The following BICD2 variants were observed in gnomAD, a reference collection of about 807,000 sequenced individuals.
BICD2 encodes BICD cargo adaptor 2, also known as protein bicaudal D homolog 2.
BICD2 carries 25 observed loss-of-function variants against 72.9 expected under a neutral mutation model. The observed-to-expected ratio is 0.34, with a 90% CI of 0.25 to 0.48. The LOEUF (loss-of-function observed/expected upper bound fraction) is 0.48, where lower values mean the gene tolerates loss of function less well. Ranked by LOEUF, BICD2 falls within the 20% of genes least tolerant of loss-of-function variation. BICD2 has a pLI of 0.99. For synonymous variants in BICD2, 501 were observed against 516.1 expected (o/e 0.97, Z 0.40); for missense variants, 894 against 1,175.2 (o/e 0.76, Z 3.50).
intron 2 of BICD2, 61 bp from the exon 3 acceptor site, chr9:92,722,869 G>C (rs1564062166): frequency 1.2e-5 from 20 of 1,601,234 alleles, no homozygotes; most frequent in Non-Finnish European, 1.7e-5. Context: ...GAGGGGCTCA[G>C]TGCAGCCAGG....
intron 2 of BICD2, 150 bp from the exon 3 acceptor site, chr9:92,722,958 G>A: frequency 1.1e-6 from 1 of 950,288 alleles, no homozygotes; most frequent in South Asian, 1.6e-5. Flanking sequence ...GAGAGGAGAG[G>A]GAGCCCAGAG....
chr9:92,760,199 C>T (rs1854343155), intron 1 of BICD2, among the ~76,000 whole-genome samples: 1 of 152,198 alleles, frequency 6.6e-6, no homozygotes, highest in African/African-American at 2.4e-5. Context: ...TGGTGCCAGG[C>T]ACCCCCAGGG....
chr9:92,761,824 G>A (rs1268333959), intron 1 of BICD2, among the ~76,000 whole-genome samples: 1 of 152,224 alleles, frequency 6.6e-6, no homozygotes, highest in African/African-American at 2.4e-5. Flanking sequence ...AACTGAGTCA[G>A]GCTCAAGAAA....
At chr9:92,748,968 G>T (rs1303662264) in intron 1 of BICD2, among the ~76,000 whole-genome samples, 1 of 152,114 alleles carries the variant, frequency 6.6e-6, no homozygotes, top group African/African-American at 2.4e-5. Flanking sequence ...GTGGTTCCCA[G>T]AGGAGATGGT....
intron 1 of BICD2, among the ~76,000 whole-genome samples, chr9:92,736,354 T>C (rs2093698): frequency 0.017 from 2,646 of 152,272 alleles, 37 homozygotes; most frequent in South Asian, 0.04. Flanking sequence ...CATGACAGTT[T>C]ACAGATGCCA....
At chr9:92,722,625 G>A (rs1222611668) in intron 3 of BICD2, 31 bp downstream of exon 3, 2 of 1,613,106 alleles carry the variant, frequency 1.2e-6, no homozygotes, top group Admixed American at 1.7e-5. Context: ...TAACCCACGT[G>A]CCACCTCCAC....
At chr9:92,744,719 T>C (rs1037322923) in intron 1 of BICD2, among the ~76,000 whole-genome samples, 3 of 151,894 alleles carry the variant, frequency 2.0e-5, no homozygotes, top group Non-Finnish European at 4.4e-5. Context: ...CACGCGCCTG[T>C]AGACCCAGCT....
chr9:92,724,611 G>A (rs949214844), intron 2 of BICD2, among the ~76,000 whole-genome samples: 26 of 152,190 alleles, frequency 1.7e-4, no homozygotes, highest in South Asian at 4.1e-4. Context: ...GAAAGTGAGC[G>A]AGGTGCATGC....
chr9:92,712,190 A>T lies in BICD2; in HGVS notation c.*2964T>A, dbSNP rs751941216. On this transcript the variant is annotated 3_prime_UTR_variant, in exon 7 of 7. Transcript: ENST00000356884. The stretch of plus-strand genomic sequence containing the variant: ...CCCAGAAGGTCCATTTGGTTCCCAA[A>T]GCACACTCAAGGTTTTGTGTTTGCT... 2 of 152,630 alleles carry T rather than the reference A, an allele frequency of 1.3e-5. No homozygotes were observed. Among genetic ancestry groups the T allele is most frequent in the Non-Finnish European group, 2.9e-5 (2 of 68,042 alleles). 9.5% of individuals were successfully genotyped at this position (152,630 alleles called of 1,614,324 possible). A position where few individuals can be genotyped will look rare whatever the true frequency, so the allele number is the denominator to read the frequency against.
At position 92,764,777 on chromosome 9, in the gene BICD2, G is replaced by A. The variant is rs754859861; in HGVS notation, c.-33C>T. ...GAGGGCTGAGCCGGCTCCCACTGAG[G>A]CTCTCGCAGGCCGGGCCCTCCTCAG... On this transcript the variant is annotated 5_prime_UTR_variant, in exon 1 of 7. Coordinates refer to ENST00000356884, the MANE Select transcript of BICD2 (RefSeq NM_001003800.2). The surrounding 1 kb of genome is among the most constrained non-coding windows in gnomAD (Gnocchi z 5.5). 4.2e-5 allele frequency: 61 copies of A among 1,455,236 alleles called. No homozygotes were observed. Among genetic ancestry groups the A allele is most frequent in the Non-Finnish European group, 5.1e-5 (57 of 1,107,960 alleles). The allele number at this position is 1,455,236 out of a possible 1,614,324, so 90.1% of individuals were successfully genotyped here.
chr9:92,733,726 G>A (rs1261159259), intron 1 of BICD2, among the ~76,000 whole-genome samples: 2 of 152,076 alleles, frequency 1.3e-5, no homozygotes, highest in African/African-American at 2.4e-5. Context: ...CCAGCACTTC[G>A]GGAGGCCGAG....
intron 6 of BICD2, 29 bp from the exon 7 acceptor site, chr9:92,715,492 G>T (rs1054437864): frequency 6.4e-7 from 1 of 1,554,672 alleles, no homozygotes; most frequent in African/African-American, 1.4e-5. Context: ...TGACTGAGGG[G>T]CGGGCAGAGC....
chr9:92,717,771 G>A, intron 6 of BICD2, 26 bp downstream of exon 6: 3 of 1,585,590 alleles, frequency 1.9e-6, no homozygotes, highest in Non-Finnish European at 2.6e-6. Flanking sequence ...TTGTGGAAGG[G>A]GAGGGCCCGA....
chr9:92,748,518 AC>A (rs1225278727), intron 1 of BICD2, among the ~76,000 whole-genome samples: 3 of 152,084 alleles, frequency 2.0e-5, no homozygotes, highest in Non-Finnish European at 4.4e-5. Flanking sequence ...ACATGCTTCT[AC>A]TGGAACCCAA....
chr9:92,732,928 G>A (rs888654345), intron 1 of BICD2, among the ~76,000 whole-genome samples: 3 of 152,154 alleles, frequency 2.0e-5, no homozygotes, highest in African/African-American at 7.2e-5. Flanking sequence ...CTCTTTAAAA[G>A]ATAATTAACT....
rs544284951 is a variant in BICD2 at position 92,739,270 on chromosome 9, G to A, written c.241-10034C>T. 5.3e-5 allele frequency among the ~76,000 whole-genome samples: 8 copies of A among 152,286 alleles called. No individual in the cohort carries two copies. The South Asian group carries it at 1.0e-3, about 20-fold the overall frequency. On this transcript the variant is annotated intron_variant, in intron 1 of 6. Coordinates refer to ENST00000356884, the MANE Select transcript of BICD2 (RefSeq NM_001003800.2). ...ATGTTTACTAACAGCACTTATTAGC[G>A]CTTACTGCATGCCTGGTCTCTGGTA... is the stretch of plus-strand genomic sequence containing the variant.
rs573487238 is a variant in BICD2 at position 92,718,843 on chromosome 9, C to T, written c.1802G>A (p.Gly601Glu). 2.4e-5 allele frequency: 38 copies of T among 1,608,200 alleles called. No individual in the cohort carries two copies. In the African/African-American group the frequency reaches 4.5e-4, roughly 19 times the overall value. ...LAPEAGRADGGTGDSSPSPGS... is the reference protein window; with the variant it reads ...LAPEAGRADGETGDSSPSPGS... ...AGGCGAGGGGCTGCTGTCCCCCGTC[C>T]CACCATCTGCTCGGCCCGCCTCAGG... The change falls in exon 5 of 7, where the codon GGG becomes GAG. Residue 601 changes from glycine to glutamate, a missense_variant. Transcript: ENST00000356884.
intron 1 of BICD2, among the ~76,000 whole-genome samples, chr9:92,751,580 T>A (rs1319669415): frequency 1.3e-5 from 2 of 152,174 alleles, no homozygotes; most frequent in Non-Finnish European, 2.9e-5. Flanking sequence ...CTGCTGTACA[T>A]GTGAACTGGA....
At chr9:92,731,122 C>T (rs922109581) in intron 1 of BICD2, among the ~76,000 whole-genome samples, 4 of 152,224 alleles carry the variant, frequency 2.6e-5, no homozygotes, top group African/African-American at 9.6e-5. Context: ...AAGGGCCCGC[C>T]GGCTGCAGGC....
Sources: allele counts gnomAD v4.1 joint callset (sites outside exome capture counted in the v4.1 genomes callset), GRCh38; gene constraint gnomAD v4.1.1; non-coding constraint Gnocchi (gnomAD v3.1); transcripts MANE v1.5; gene names NCBI Gene and HGNC (gene_info 2026-07-23, HGNC 2026-07-21).